UCKL1: variants seen among roughly 807,000 people sequenced by gnomAD.
UCKL1 encodes the protein uridine-cytidine kinase-like 1.
UCKL1 carries 65 observed loss-of-function variants against 59.2 expected under a neutral mutation model. The observed-to-expected ratio is 1.10, with a 90% confidence interval of 0.90 to 1.35. The LOEUF is 1.35. Ranked by LOEUF, UCKL1 falls within the 40% of genes most tolerant of loss-of-function variation. The pLI is 0.00. For synonymous variants in UCKL1, 410 were observed against 323.1 expected (o/e 1.27, Z -2.88); for missense variants, 703 against 784.3 (o/e 0.90, Z 1.24).
chr20:63,946,454 G>T lies in UCKL1; in HGVS notation c.303C>A (p.Ile101=). The part of the protein sequence containing the change: ...HGTQSKEAFA[I]GLGGGSASGK... The stretch of plus-strand genomic sequence containing the variant: ...GTCCCACCCCCCCGCTGCTCTCACC[G>T]ATGGCGAAGGCCTCTTTGGATTGCG... The change falls in exon 2 of 15, where the codon ATC becomes ATA. Residue 101 remains isoleucine, a splice_region_variant and synonymous_variant. Coordinates refer to ENST00000354216, the MANE Select transcript of UCKL1 (RefSeq NM_017859.4). 1 of 1,556,242 alleles carries T rather than the reference G, an allele frequency of 6.4e-7. No homozygotes were observed. Among genetic ancestry groups the T allele is most frequent in the South Asian group, 1.2e-5 (1 of 81,848 alleles).
Position 63,945,953 on chromosome 20 carries a change from T to G in UCKL1, c.434A>C (p.Glu145Ala). Residue 145 changes from glutamate to alanine, a missense_variant, in exon 4 of 15, where the codon GAA (glutamate) becomes GCA (alanine). This residue lies in a region of UCKL1 where 398 missense variants were observed against 373.0 expected (regional missense o/e 1.07). Coordinates refer to ENST00000354216, the MANE Select transcript of UCKL1 (RefSeq NM_017859.4). Reference protein sequence around the residue: ...FYKVLTEQQQEQAAHNNFNFD... With the variant: ...FYKVLTEQQQAQAAHNNFNFD... ...GTTGAAGTTGTTGTGTGCGGCCTGT[T>G]CCTGCTGCTGCTCAGTCAGCACCTG... The G allele has an allele frequency of 6.2e-7, 1 of 1,613,788 alleles. No individual in the cohort carries two copies. The highest frequency in any genetic ancestry group is 8.5e-7 in the Non-Finnish European group (1 of 1,179,964).
At position 63,956,335 on chromosome 20, in the gene UCKL1, G is replaced by T; in HGVS notation, c.38C>A (p.Ser13Ter). 6.4e-7 allele frequency: 1 copy of T among 1,552,490 alleles called. No individual in the cohort carries two copies. The highest frequency in any genetic ancestry group is 2.6e-5 in the East Asian group (1 of 37,886). Reference protein sequence around the residue: ...APPARADADPSPTSPPTARDT... With the variant: ...APPARADADP Reference sequence around the variant, plus strand: ...TCGGGCCGTAGGTGGCGACGTGGGCGAAGGATCAGCGTCCGCGCGGGCCGG... The same window carrying T: ...TCGGGCCGTAGGTGGCGACGTGGGCTAAGGATCAGCGTCCGCGCGGGCCGG... Residue 13 changes from serine (S) to a stop codon, truncating the protein, a stop_gained, in exon 1 of 15, where the codon TCG (serine) becomes TAG (stop). Transcript: ENST00000354216. LOFTEE classifies it high-confidence loss of function.
In UCKL1 at chr20:63,941,121, G is replaced by A. The variant is rs2054276481; in HGVS notation, c.1011C>T (p.His337=). The change falls in exon 9 of 15, where the codon CAC becomes CAT. Residue 337 remains histidine, a synonymous_variant. Transcript: ENST00000354216. ...AGGTGGGCCCTCACCTGATGATGGT[G>A]TGCATGCCCCGTACCTGCGGCGTGC... The part of the protein sequence containing the change: ...LKSTPQVRGM[H]TIIRDKETSR... The A allele has an allele frequency of 6.3e-7, 1 of 1,598,226 alleles. No individual in the cohort carries two copies. The highest frequency in any genetic ancestry group is 1.1e-5 in the South Asian group (1 of 89,708).
intron 1 of UCKL1, among the ~76,000 whole-genome samples, chr20:63,947,937 G>A (rs2056683140): frequency 6.6e-6 from 1 of 152,230 alleles, no homozygotes. Flanking sequence ...GACTGGCCAT[G>A]GAGCCCTGGG....
Position 63,940,639 on chromosome 20 carries a change from G to A in UCKL1, c.1257C>T (p.Ile419=). ...GGTTGGTCTGGATGAGGATGGTGCC[G>A]ATGCGCACGTCTTTGCACACAGCGC... ...ALRAVCKDVR[I]GTILIQTNQL... The change falls in exon 12 of 15, where the codon ATC becomes ATT. Residue 419 remains isoleucine (I), a synonymous_variant. Transcript: ENST00000354216. The A allele has an allele frequency of 2.5e-6, 4 of 1,610,182 alleles. No individual in the cohort carries two copies. The highest frequency in any genetic ancestry group is 3.4e-6 in the Non-Finnish European group (4 of 1,179,550).
intron 1 of UCKL1, chr20:63,954,303 A>G (rs2058195994): frequency 6.5e-6 from 1 of 152,806 alleles, no homozygotes. Flanking sequence ...TGCTAACACC[A>G]CAAAGGACCT....
At chr20:63,952,781 A>G (rs1419283838) in intron 1 of UCKL1, among the ~76,000 whole-genome samples, 1 of 151,484 alleles carries the variant, frequency 6.6e-6, no homozygotes, top group Non-Finnish European at 1.5e-5. Context: ...CAGCCATCCT[A>G]CTCTGGGCCA....
At chr20:63,948,712 G>A (rs914427893) in intron 1 of UCKL1, among the ~76,000 whole-genome samples, 4 of 146,418 alleles carry the variant, frequency 2.7e-5, no homozygotes, top group Non-Finnish European at 6.0e-5. Context: ...TAAGGGAGGG[G>A]GTGTGTGTGA....
chr20:63,944,766 G>C lies in UCKL1; in HGVS notation c.655-32C>G, dbSNP rs2055686783. On this transcript the variant is annotated intron_variant, in intron 5 of 14. Coordinates refer to ENST00000354216, the MANE Select transcript of UCKL1 (RefSeq NM_017859.4). Reference sequence around the variant, plus strand: ...GAGACAGCGGGCCAGTGAGTGGCCAGATGCCAGCAGTGGGCATGGAGACAC... The same window carrying C: ...GAGACAGCGGGCCAGTGAGTGGCCACATGCCAGCAGTGGGCATGGAGACAC... The C allele has an allele frequency of 1.9e-6, 3 of 1,608,074 alleles. No homozygotes were observed. In the African/African-American group the frequency reaches 4.0e-5, roughly 21 times the overall value.
At chr20:63,943,194 G>A (rs993850782) in intron 8 of UCKL1, among the ~76,000 whole-genome samples, 7 of 152,216 alleles carry the variant, frequency 4.6e-5, no homozygotes, top group South Asian at 4.1e-4. Flanking sequence ...AGCAGGACCC[G>A]GGTGGGTGGG....
intron 8 of UCKL1, 34 bp from the exon 9 acceptor site, chr20:63,941,242 G>A (rs776780638): frequency 1.7e-5 from 25 of 1,468,398 alleles, no homozygotes; most frequent in Non-Finnish European, 2.2e-5. Flanking sequence ...ACTCAAGAAG[G>A]GGGTCTTTTC....
chr20:63,946,021 C>A, intron 3 of UCKL1, 46 bp from the exon 4 acceptor site: 4 of 1,611,918 alleles, frequency 2.5e-6, no homozygotes, highest in South Asian at 1.1e-5. Context: ...GTAGGGCCCT[C>A]ACCCAATGCC....
chr20:63,947,727 A>G (rs1335200945), intron 1 of UCKL1, among the ~76,000 whole-genome samples: 1 of 152,238 alleles, frequency 6.6e-6, no homozygotes, highest in Non-Finnish European at 1.5e-5. Context: ...CCAGAGAGGA[A>G]AGTGCTGCCA....
intron 1 of UCKL1, among the ~76,000 whole-genome samples, chr20:63,948,025 C>T (rs2056721162): frequency 6.6e-6 from 1 of 152,200 alleles, no homozygotes. Context: ...TGGCGCCTGC[C>T]CAGTCTGTTC....
chr20:63,942,636 GCC>G, intron 8 of UCKL1: 1 of 542,628 alleles, frequency 1.8e-6, no homozygotes, highest in Non-Finnish European at 3.4e-6. Flanking sequence ...GGGCGGTCAG[GCC>G]CCCAGCCCTG....
Position 63,940,314 on chromosome 20 carries a change from G to C in UCKL1, c.1411-8C>G. ...CTCAGGCACGTCGTGGTCCTACCGA[G>C]TGTATTGGGCAGGTAAATCCCACCT... On this transcript the variant is annotated splice_region_variant and splice_polypyrimidine_tract_variant and intron_variant, in intron 13 of 14. Transcript: ENST00000354216. 1 of 1,612,630 alleles carries C rather than the reference G, an allele frequency of 6.2e-7. No homozygotes were observed. The highest frequency in any genetic ancestry group is 8.5e-7 in the Non-Finnish European group (1 of 1,179,958).
rs539322479 is a variant in UCKL1, at chr20:63,944,012, G to A, written c.907-343C>T. On this transcript the variant is annotated intron_variant, in intron 7 of 14. Transcript: ENST00000354216. ...ACCTCTGGTGGGGGTGTCGCTCCTGGGGTGACCCCCTGAGAAAGAGAGGAG... is the reference window on the plus strand; with the variant it reads ...ACCTCTGGTGGGGGTGTCGCTCCTGAGGTGACCCCCTGAGAAAGAGAGGAG... Among the ~76,000 whole-genome samples the A allele has an allele frequency of 2.0e-5, 3 of 152,342 alleles. No individual in the cohort carries two copies. The South Asian group carries it at 6.2e-4, about 32-fold the overall frequency.
chr20:63,944,390 C>T lies in UCKL1; in HGVS notation c.906+7G>A, dbSNP rs749144462. 29 of 1,555,034 alleles carry T rather than the reference C, an allele frequency of 1.9e-5. No homozygotes were observed. The highest frequency in any genetic ancestry group is 5.4e-5 in the African/African-American group (4 of 73,562). ...GCTAGGCCGTGGGGACGTGGGACCC[C>T]GCTCACCTCCTCCAGCTGGCTGTGC... On this transcript the variant is annotated splice_region_variant and intron_variant, in intron 7 of 14. Coordinates refer to ENST00000354216, the MANE Select transcript of UCKL1 (RefSeq NM_017859.4).
rs745466301 is a variant in UCKL1, at chr20:63,940,311, C to T, written c.1411-5G>A. On this transcript the variant is annotated splice_region_variant and splice_polypyrimidine_tract_variant and intron_variant, in intron 13 of 14. Transcript: ENST00000354216. ...GTCCTCAGGCACGTCGTGGTCCTAC[C>T]GAGTGTATTGGGCAGGTAAATCCCA... The T allele has an allele frequency of 1.7e-5, 27 of 1,612,610 alleles. No individual in the cohort carries two copies. Among genetic ancestry groups the T allele is most frequent in the South Asian group, 4.4e-5 (4 of 91,078 alleles).
Sources: allele counts gnomAD v4.1 joint callset (sites outside exome capture counted in the v4.1 genomes callset), GRCh38; gene constraint gnomAD v4.1.1; regional missense constraint gnomAD v4.1.1; transcripts MANE v1.5; gene names NCBI Gene and HGNC (gene_info 2026-07-23, HGNC 2026-07-21).